RNF145: variants seen among roughly 807,000 people sequenced by gnomAD.
RNF145 encodes the protein ring finger protein 145.
Under a neutral mutation model 57.3 loss-of-function variants are expected in RNF145, and 12 were observed. The ratio of observed to expected loss-of-function variants is 0.21; its 90% CI spans 0.13 to 0.34. The LOEUF (loss-of-function observed/expected upper bound fraction) is 0.34. Among genes scored for constraint, RNF145 ranks in the 10% least tolerant of loss-of-function variants. RNF145 has a pLI of 1.00. For missense variants in RNF145, 429 were observed against 799.0 expected (o/e 0.54, Z 5.58); for synonymous variants, 262 against 288.3 (o/e 0.91, Z 0.92).
chr5:159,166,208 G>C (rs1445957201), intron 8 of RNF145, among the ~76,000 whole-genome samples: 1 of 151,928 alleles, frequency 6.6e-6, no homozygotes, highest in Non-Finnish European at 1.5e-5. Context: ...CTTCATGTTT[G>C]CATTTTTCTC....
In RNF145 at chr5:159,172,670, TAA is replaced by T. The variant is rs959347927; in HGVS notation, c.797+1311_797+1312del. On this transcript the variant is annotated intron_variant, in intron 6 of 10. Transcript: ENST00000424310. The stretch of plus-strand genomic sequence containing the variant: ...TTCAAAATCTGATTCAGTACCAGTA[TAA>T]GTTTATCCCACTTATTTCTTAAAAC... Among the ~76,000 whole-genome samples, 164 of 152,314 alleles carry T rather than the reference TAA, an allele frequency of 1.1e-3. 1 individual carries two copies. The highest frequency in any genetic ancestry group is 3.7e-3 in the African/African-American group (155 of 41,568).
At chr5:159,201,041 G>C (rs1243265080) in intron 2 of RNF145, among the ~76,000 whole-genome samples, 1 of 152,144 alleles carries the variant, frequency 6.6e-6, no homozygotes, top group Non-Finnish European at 1.5e-5. Flanking sequence ...CCTATGGAAA[G>C]TACTATCTGT....
intron 3 of RNF145, among the ~76,000 whole-genome samples, chr5:159,191,897 T>C (rs1456222229): frequency 6.6e-6 from 1 of 152,186 alleles, no homozygotes; most frequent in African/African-American, 2.4e-5. Context: ...AAAAAATCCT[T>C]TCTTTACCTC....
upstream of RNF145, chr5:159,209,857 A>C (rs543474146): frequency 7.5e-4 from 1,145 of 1,535,992 alleles, no homozygotes; most frequent in Non-Finnish European, 9.6e-4. Flanking sequence ...ACTCACCTGC[A>C]GGGACCACGT....
chr5:159,181,700 T>G (rs1475744067), intron 4 of RNF145, among the ~76,000 whole-genome samples: 1 of 150,762 alleles, frequency 6.6e-6, no homozygotes, highest in Non-Finnish European at 1.5e-5. Flanking sequence ...AAAATTAATC[T>G]TCTCAAATAC....
At chr5:159,192,651 T>C (rs941438363) in intron 3 of RNF145, among the ~76,000 whole-genome samples, 3 of 152,228 alleles carry the variant, frequency 2.0e-5, no homozygotes, top group Non-Finnish European at 2.9e-5. Context: ...TCAGAAACTG[T>C]GGTAAGAGCT....
chr5:159,186,195 C>A (rs942896981), intron 3 of RNF145, among the ~76,000 whole-genome samples: 1 of 151,890 alleles, frequency 6.6e-6, no homozygotes, highest in Admixed American at 6.6e-5. Flanking sequence ...CCACTGCACT[C>A]CAGCCTGGGT....
chr5:159,197,488 C>T (rs539227345), intron 2 of RNF145, among the ~76,000 whole-genome samples: 30 of 152,288 alleles, frequency 2.0e-4, no homozygotes, highest in Middle Eastern at 3.4e-3. Context: ...CTCATCTATA[C>T]CCCATTTTTA....
rs886194669 is a variant in RNF145 at position 159,168,094 on chromosome 5, C to T, written c.1121+779G>A. ...TTACAGAATTTCCTTGTATCAACTA[C>T]AATAAAAAGACTGTATCTTTAAGGA... On this transcript the variant is annotated intron_variant, in intron 8 of 10. Transcript: ENST00000424310. 4.0e-4 allele frequency among the ~76,000 whole-genome samples: 61 copies of T among 152,026 alleles called. 1 individual carries two copies. Among genetic ancestry groups the T allele is most frequent in the Non-Finnish European group, 5.4e-4 (37 of 67,974 alleles).
rs190894083 is a variant in RNF145, at chr5:159,201,369, G to T, written c.184+2065C>A. On this transcript the variant is annotated intron_variant, in intron 2 of 10. Coordinates refer to ENST00000424310, the MANE Select transcript of RNF145 (RefSeq NM_001199383.2). The stretch of plus-strand genomic sequence containing the variant: ...GCCCCAGGTTATATTTGTACTTGTT[G>T]AAATTATAGCTATACAAAGTTATTT... 7.9e-5 allele frequency among the ~76,000 whole-genome samples: 12 copies of T among 152,286 alleles called. No homozygotes were observed. The East Asian group carries it at 2.3e-3, about 29-fold the overall frequency.
intron 7 of RNF145, 49 bp downstream of exon 7, chr5:159,169,630 G>C: frequency 3.7e-6 from 5 of 1,363,924 alleles, no homozygotes; most frequent in Non-Finnish European, 3.9e-6. Context: ...ACTTCCTCAA[G>C]TTATCTATAG....
At chr5:159,193,018 G>C (rs1296367857) in intron 3 of RNF145, among the ~76,000 whole-genome samples, 2 of 152,000 alleles carry the variant, frequency 1.3e-5, no homozygotes, top group Non-Finnish European at 2.9e-5. Flanking sequence ...CAGGAACAGA[G>C]GTGTGGGGGC....
At chr5:159,177,012 C>T in intron 4 of RNF145, 145 bp from the exon 5 acceptor site, 1 of 580,114 alleles carries the variant, frequency 1.7e-6, no homozygotes, top group South Asian at 2.2e-5. Flanking sequence ...TTAAATCAAA[C>T]TTAAACTTCA....
Position 159,158,699 on chromosome 5 carries a change from C to G in RNF145, c.1963G>C (p.Asp655His), listed in dbSNP as rs781492094. ...DPKEYPHSAK[D>H]EAHPVESA ...GCTGATTCAACAGGATGTGCTTCAT[C>G]TTTCGCACTGTGAGGATATTCTTTG... The change falls in exon 11 of 11, where the codon GAT (aspartate) becomes CAT (histidine). Residue 655 changes from aspartate (D) to histidine (H), a missense_variant. Physicochemically the swap from Asp to His is moderately conservative, Grantham distance 81. Around this residue, in one of 4 missense-constraint regions of RNF145, gnomAD observed 102 missense variants for 106.2 expected, o/e 0.96. Transcript: ENST00000424310. 1.2e-6 allele frequency: 2 copies of G among 1,613,962 alleles called. No individual in the cohort carries two copies. The highest frequency in any genetic ancestry group is 3.3e-5 in the Admixed American group (2 of 60,022).
At chr5:159,163,225 G>A in intron 8 of RNF145, 146 bp from the exon 9 acceptor site, 1 of 707,028 alleles carries the variant, frequency 1.4e-6, no homozygotes, top group South Asian at 2.3e-5. Context: ...CTGTACTAGA[G>A]TTCAGACCAA....
At chr5:159,191,910 A>C (rs980611630) in intron 3 of RNF145, among the ~76,000 whole-genome samples, 1 of 152,166 alleles carries the variant, frequency 6.6e-6, no homozygotes, top group Non-Finnish European at 1.5e-5. Context: ...TTTACCTCTG[A>C]AACTACTTAG....
At chr5:159,207,162 G>A (rs1785918719) in intron 1 of RNF145, among the ~76,000 whole-genome samples, 1 of 152,072 alleles carries the variant, frequency 6.6e-6, no homozygotes, top group Admixed American at 6.5e-5. Context: ...AACACAGGGG[G>A]CTTCATTCTA....
chr5:159,176,522 G>T, intron 5 of RNF145, 110 bp downstream of exon 5: 1 of 684,036 alleles, frequency 1.5e-6, no homozygotes, highest in Non-Finnish European at 2.5e-6. Context: ...TTTTGAAACT[G>T]CAAAAATGAA....
chr5:159,166,490 C>T (rs544423569), intron 8 of RNF145, among the ~76,000 whole-genome samples: 1 of 152,280 alleles, frequency 6.6e-6, no homozygotes, highest in African/African-American at 2.4e-5. Context: ...GGAATTTTAA[C>T]CTTCTGTTTT....
Sources: allele counts gnomAD v4.1 joint callset (sites outside exome capture counted in the v4.1 genomes callset), GRCh38; gene constraint gnomAD v4.1.1; regional missense constraint gnomAD v4.1.1; transcripts MANE v1.5; gene names NCBI Gene and HGNC (gene_info 2026-07-23, HGNC 2026-07-21).